AGPAT4: variants seen among roughly 807,000 people sequenced by gnomAD.
The protein encoded by AGPAT4 is 1-acyl-sn-glycerol-3-phosphate acyltransferase delta.
In AGPAT4, 15 loss-of-function variants were observed where a neutral mutation model predicts 48.0. The ratio of observed to expected loss-of-function variants is 0.31; its 90% confidence interval spans 0.21 to 0.48. The LOEUF (loss-of-function observed/expected upper bound fraction) is 0.48, where lower values mean the gene tolerates loss of function less well. Ranked by LOEUF, AGPAT4 falls within the 20% of genes least tolerant of loss-of-function variation. The pLI is 0.99. For synonymous variants in AGPAT4, 178 were observed against 198.7 expected (o/e 0.90, Z 0.88); for missense variants, 314 against 482.5 (o/e 0.65, Z 3.27).
rs1209721288 is a variant in AGPAT4, at chr6:161,235,510, C to A, written c.-89-3208G>T. 6.6e-6 allele frequency among the ~76,000 whole-genome samples: 1 copy of A among 152,014 alleles called. No homozygotes were observed. Among genetic ancestry groups the A allele is most frequent in the Non-Finnish European group, 1.5e-5 (1 of 68,022 alleles). ...TCATTCCAGATAGACGTTTTGGGGA[C>A]CCATCTGGATTAGTCCATTCTCGCA... On this transcript the variant is annotated intron_variant, in intron 1 of 8. Transcript: ENST00000320285. This position sits in a 1 kb window ranked among gnomAD's most constrained non-coding sequence, Gnocchi z 6.2.
chr6:161,146,422 G>GT lies in AGPAT4; in HGVS notation c.843+101_843+102insA. The stretch of plus-strand genomic sequence containing the variant: ...CAGACTCACTAATAACTGGCTCTGT[G>GT]AGATCTCGCCCACCGGAGAAAGGCC... On this transcript the variant is annotated intron_variant, in intron 7 of 8. Transcript: ENST00000320285. This position sits in a 1 kb window ranked among gnomAD's most constrained non-coding sequence, Gnocchi z 7.1. 1 of 1,089,678 alleles carries GT rather than the reference G, an allele frequency of 9.2e-7. No homozygotes were observed. Among genetic ancestry groups the GT allele is most frequent in the Non-Finnish European group, 1.4e-6 (1 of 738,854 alleles). 67.5% of individuals were successfully genotyped at this position (1,089,678 alleles called of 1,614,324 possible).
In AGPAT4 at chr6:161,259,528, C is replaced by G. The variant is rs182298887; in HGVS notation, c.-90+14410G>C. Among the ~76,000 whole-genome samples the G allele has an allele frequency of 6.6e-6, 1 of 151,846 alleles. No homozygotes were observed. Among genetic ancestry groups the G allele is most frequent in the Non-Finnish European group, 1.5e-5 (1 of 67,962 alleles). On this transcript the variant is annotated intron_variant, in intron 1 of 8. Coordinates refer to ENST00000320285, the MANE Select transcript of AGPAT4 (RefSeq NM_020133.3). The surrounding 1 kb of genome is among the most constrained non-coding windows in gnomAD (Gnocchi z 4.9). ...TCACACATGTGCCACACTACCAGCA[C>G]GTGTGAAAACTCACTAACTCTATAC...
In AGPAT4 at chr6:161,201,364, C is replaced by CT. The variant is rs550756209; in HGVS notation, c.178+30671dup. 9.6e-4 allele frequency among the ~76,000 whole-genome samples: 146 copies of CT among 152,060 alleles called. No individual in the cohort carries two copies. Among genetic ancestry groups the CT allele is most frequent in the African/African-American group, 3.4e-3 (140 of 41,484 alleles). On this transcript the variant is annotated intron_variant, in intron 2 of 8. Transcript: ENST00000320285. This position sits in a 1 kb window ranked among gnomAD's most constrained non-coding sequence, Gnocchi z 6.0. ...AAGGAAATTACAGGAACCAATTTAC[C>CT]TTTTTTTTCAGTCTTATTTTTATTC...
At position 161,180,711 on chromosome 6, in the gene AGPAT4, T is replaced by C. The variant is rs900041904; in HGVS notation, c.179-14294A>G. 6.6e-6 allele frequency among the ~76,000 whole-genome samples: 1 copy of C among 152,174 alleles called. No individual in the cohort carries two copies. The highest frequency in any genetic ancestry group is 2.4e-5 in the African/African-American group (1 of 41,456). ...CTGAATGTGGTGTCATTCTTCCCTGTAGCGGTGCTGGAGGGCCGGGTCTCT... is the reference window on the plus strand; with the variant it reads ...CTGAATGTGGTGTCATTCTTCCCTGCAGCGGTGCTGGAGGGCCGGGTCTCT... On this transcript the variant is annotated intron_variant, in intron 2 of 8. Transcript: ENST00000320285. This position sits in a 1 kb window ranked among gnomAD's most constrained non-coding sequence, Gnocchi z 6.4.
chr6:161,188,127 A>G (rs1413368713), intron 2 of AGPAT4, among the ~76,000 whole-genome samples: 1 of 152,236 alleles, frequency 6.6e-6, no homozygotes, highest in Non-Finnish European at 1.5e-5. Flanking sequence ...GAAATGGATA[A>G]ATTAAGATGC....
intron 2 of AGPAT4, among the ~76,000 whole-genome samples, chr6:161,194,292 T>C (rs148260229): frequency 3.9e-5 from 6 of 152,340 alleles, no homozygotes; most frequent in Non-Finnish European, 7.3e-5. Flanking sequence ...TAAAATTACA[T>C]GTGCAGTTCT....
intron 1 of AGPAT4, among the ~76,000 whole-genome samples, chr6:161,265,137 GGATTAGTACCCACCGCTGGACTGGGTGCT>G (rs1783214158): frequency 2.8e-5 from 4 of 143,630 alleles, no homozygotes; most frequent in African/African-American, 7.7e-5. Context: ...ACTGGGTGCT[GGATTAGTACCCACCGCTGGACTGGGTGCT>G]GATTAGTACC....
Position 161,236,670 on chromosome 6 carries a change from CA to C in AGPAT4, c.-89-4369del, listed in dbSNP as rs1782286154. On this transcript the variant is annotated intron_variant, in intron 1 of 8. Transcript: ENST00000320285. This position sits in a 1 kb window ranked among gnomAD's most constrained non-coding sequence, Gnocchi z 5.0. ...TGTAATCCTAGCACTTTGGGAGGCC[CA>C]GGTAGGTGGATCACTTGAGGTCAGG... 6.6e-6 allele frequency among the ~76,000 whole-genome samples: 1 copy of C among 151,480 alleles called. No individual in the cohort carries two copies. The highest frequency in any genetic ancestry group is 2.1e-4 in the South Asian group (1 of 4,798).
At chr6:161,162,664 C>A (rs948853432) in intron 3 of AGPAT4, among the ~76,000 whole-genome samples, 1 of 152,218 alleles carries the variant, frequency 6.6e-6, no homozygotes, top group African/African-American at 2.4e-5. Context: ...GGTCTCATCA[C>A]GCTGCCATGG....
rs1781428706 is a variant in AGPAT4, at chr6:161,208,168, A to AT, written c.178+23867dup. Among the ~76,000 whole-genome samples, 1 of 152,112 alleles carries AT rather than the reference A, an allele frequency of 6.6e-6. No individual in the cohort carries two copies. The highest frequency in any genetic ancestry group is 2.4e-5 in the African/African-American group (1 of 41,428). The stretch of plus-strand genomic sequence containing the variant: ...AAAAACTGAACTGTCAGAAAAACAG[A>AT]TTTTCTGAAAATCAAGTATATATTT... On this transcript the variant is annotated intron_variant, in intron 2 of 8. Coordinates refer to ENST00000320285, the MANE Select transcript of AGPAT4 (RefSeq NM_020133.3). The surrounding 1 kb of genome is among the most constrained non-coding windows in gnomAD (Gnocchi z 4.6).
intron 2 of AGPAT4, among the ~76,000 whole-genome samples, chr6:161,175,517 C>T (rs1344855202): frequency 5.9e-5 from 9 of 151,948 alleles, no homozygotes; most frequent in South Asian, 2.1e-4. Flanking sequence ...TTTTTTATTG[C>T]GTCTATTTGA....
rs980197330 is a variant in AGPAT4 at position 161,204,400 on chromosome 6, C to T, written c.178+27636G>A. ...CTTATTGTTTTATTGGATTTAATAG[C>T]GATGCATGTCTCCAATTTAATACTT... is the stretch of plus-strand genomic sequence containing the variant. On this transcript the variant is annotated intron_variant, in intron 2 of 8. Coordinates refer to ENST00000320285, the MANE Select transcript of AGPAT4 (RefSeq NM_020133.3). The surrounding 1 kb of genome is among the most constrained non-coding windows in gnomAD (Gnocchi z 4.4). Among the ~76,000 whole-genome samples the T allele has an allele frequency of 2.0e-5, 3 of 152,074 alleles. No homozygotes were observed. Among genetic ancestry groups the T allele is most frequent in the Non-Finnish European group, 4.4e-5 (3 of 68,016 alleles).
rs777958271 is a variant in AGPAT4 at position 161,136,528 on chromosome 6, C to A, written c.*12G>T. ...CCCCAAGGTTCCCTTCGGATGGTGA[C>A]ACCTCCCTGAGTCAGTCATTCAGTT... On this transcript the variant is annotated 3_prime_UTR_variant, in exon 9 of 9. Transcript: ENST00000320285. 18 of 1,613,310 alleles carry A rather than the reference C, an allele frequency of 1.1e-5. No homozygotes were observed. The highest frequency in any genetic ancestry group is 1.3e-5 in the African/African-American group (1 of 74,926).
In AGPAT4 at chr6:161,232,240, T is replaced by C; in HGVS notation, c.-27A>G. On this transcript the variant is annotated 5_prime_UTR_variant, in exon 2 of 9. Coordinates refer to ENST00000320285, the MANE Select transcript of AGPAT4 (RefSeq NM_020133.3). The surrounding 1 kb of genome is among the most constrained non-coding windows in gnomAD (Gnocchi z 6.8). The stretch of plus-strand genomic sequence containing the variant: ...ATGCGTGGACGCTCTTATTCAGAAA[T>C]AAATAACTACCCACAGTCAAAGATT... 4 of 1,598,372 alleles carry C rather than the reference T, an allele frequency of 2.5e-6. No homozygotes were observed. The highest frequency in any genetic ancestry group is 3.4e-6 in the Non-Finnish European group (4 of 1,170,320).
At position 161,246,624 on chromosome 6, in the gene AGPAT4, G is replaced by A. The variant is rs961036853; in HGVS notation, c.-89-14322C>T. 3.9e-5 allele frequency among the ~76,000 whole-genome samples: 6 copies of A among 152,006 alleles called. No individual in the cohort carries two copies. Among genetic ancestry groups the A allele is most frequent in the African/African-American group, 1.4e-4 (6 of 41,380 alleles). ...GGGTTTCTCCATGTTGGTCAGGCTG[G>A]TCTCGAACTCCCAATCTCAGGTGAT... On this transcript the variant is annotated intron_variant, in intron 1 of 8. Coordinates refer to ENST00000320285, the MANE Select transcript of AGPAT4 (RefSeq NM_020133.3). This position sits in a 1 kb window ranked among gnomAD's most constrained non-coding sequence, Gnocchi z 5.5.
intron 1 of AGPAT4, among the ~76,000 whole-genome samples, chr6:161,239,741 A>C (rs1438738261): frequency 6.6e-6 from 1 of 152,192 alleles, no homozygotes; most frequent in East Asian, 1.9e-4. Flanking sequence ...ATTCCAAACT[A>C]GGCTTTTTGT....
chr6:161,262,618 T>C lies in AGPAT4; in HGVS notation c.-90+11320A>G, dbSNP rs1227314347. On this transcript the variant is annotated intron_variant, in intron 1 of 8. Coordinates refer to ENST00000320285, the MANE Select transcript of AGPAT4 (RefSeq NM_020133.3). This position sits in a 1 kb window ranked among gnomAD's most constrained non-coding sequence, Gnocchi z 4.9. ...TTACTGGGGCTCTTAGGGGCTGAGTTCTCCCCTTCTGACCCACTGCAAGCT... is the reference window on the plus strand; with the variant it reads ...TTACTGGGGCTCTTAGGGGCTGAGTCCTCCCCTTCTGACCCACTGCAAGCT... Among the ~76,000 whole-genome samples, 2 of 152,112 alleles carry C rather than the reference T, an allele frequency of 1.3e-5. No homozygotes were observed. The highest frequency in any genetic ancestry group is 2.9e-5 in the Non-Finnish European group (2 of 68,028).
rs755578923 is a variant in AGPAT4, at chr6:161,201,143, T to C, written c.178+30893A>G. On this transcript the variant is annotated intron_variant, in intron 2 of 8. Coordinates refer to ENST00000320285, the MANE Select transcript of AGPAT4 (RefSeq NM_020133.3). The surrounding 1 kb of genome is among the most constrained non-coding windows in gnomAD (Gnocchi z 6.0). ...ATCAACTCAGGTTCCTCTGCAATAT[T>C]GATCCTCCAGGTCCTTTCTGGAGAA... is the stretch of plus-strand genomic sequence containing the variant. Among the ~76,000 whole-genome samples, 1 of 152,230 alleles carries C rather than the reference T, an allele frequency of 6.6e-6. No individual in the cohort carries two copies. The highest frequency in any genetic ancestry group is 1.5e-5 in the Non-Finnish European group (1 of 68,048).
chr6:161,189,745 C>T lies in AGPAT4; in HGVS notation c.179-23328G>A, dbSNP rs749188631. Among the ~76,000 whole-genome samples the T allele has an allele frequency of 2.0e-5, 3 of 152,158 alleles. No homozygotes were observed. The highest frequency in any genetic ancestry group is 2.9e-5 in the Non-Finnish European group (2 of 68,032). On this transcript the variant is annotated intron_variant, in intron 2 of 8. Coordinates refer to ENST00000320285, the MANE Select transcript of AGPAT4 (RefSeq NM_020133.3). This position sits in a 1 kb window ranked among gnomAD's most constrained non-coding sequence, Gnocchi z 5.3. ...TTCCTCACCCACCGCCCTCCTAACCCCTCTCTCCTCCACCCAAAAAAGGGC... is the reference window on the plus strand; with the variant it reads ...TTCCTCACCCACCGCCCTCCTAACCTCTCTCTCCTCCACCCAAAAAAGGGC...
Sources: allele counts gnomAD v4.1 joint callset (sites outside exome capture counted in the v4.1 genomes callset), GRCh38; gene constraint gnomAD v4.1.1; non-coding constraint Gnocchi (gnomAD v3.1); transcripts MANE v1.5; gene names NCBI Gene and HGNC (gene_info 2026-07-23, HGNC 2026-07-21).